Variants in DCDC2 observed in about 807,000 individuals in gnomAD.
The protein encoded by DCDC2 is doublecortin domain-containing protein 2.
Under a neutral mutation model 50.2 loss-of-function variants are expected in DCDC2, and 40 were observed. The observed-to-expected ratio is 0.80, with a 90% CI of 0.62 to 1.04. DCDC2 has a LOEUF of 1.04. Among genes scored for constraint, DCDC2 ranks in the 50% least tolerant of loss-of-function variants. The pLI, the probability that DCDC2 is intolerant of heterozygous loss-of-function variation, is 0.00. For synonymous variants in DCDC2, 234 were observed against 210.6 expected (o/e 1.11, Z -0.96); for missense variants, 570 against 581.9 (o/e 0.98, Z 0.21).
chr6:24,210,019 G>GGTGTGTGTGTGTGTGTGTGTGTGTGTGT (rs71002475), intron 7 of DCDC2, among the ~76,000 whole-genome samples: 3 of 145,196 alleles, frequency 2.1e-5, no homozygotes, highest in African/African-American at 7.9e-5. Flanking sequence ...GCAGTATCAG[G>GGTGTGTGTGTGTGTGTGTGTGTGTGTGT]GTGTGTGTGT....
chr6:24,376,360 C>T, the DCDC2 span, among the ~76,000 whole-genome samples: 1 of 152,160 alleles, frequency 6.6e-6, no homozygotes, highest in Non-Finnish European at 1.5e-5. Context: ...TGGCAGGGCT[C>T]CCTGGGCCCC....
the DCDC2 span, among the ~76,000 whole-genome samples, chr6:24,366,308 T>C: frequency 1.3e-5 from 2 of 152,222 alleles, no homozygotes; most frequent in Admixed American, 6.5e-5. Context: ...CCAAATACCG[T>C]ATTTCTCCAA....
intron 2 of DCDC2, among the ~76,000 whole-genome samples, chr6:24,341,888 T>C (rs941331707): frequency 8.6e-5 from 13 of 151,808 alleles, no homozygotes; most frequent in African/African-American, 3.1e-4. Flanking sequence ...TTTCCCAAAA[T>C]CCAAAAATAC....
intron 7 of DCDC2, among the ~76,000 whole-genome samples, chr6:24,210,182 C>A (rs1203790653): frequency 3.9e-5 from 6 of 151,996 alleles, no homozygotes; most frequent in African/African-American, 1.5e-4. Context: ...TGGCCCACCT[C>A]AGAGCTGCAT....
At chr6:24,312,354 T>C (rs922651958) in intron 2 of DCDC2, among the ~76,000 whole-genome samples, 10 of 152,126 alleles carry the variant, frequency 6.6e-5, no homozygotes, top group African/African-American at 2.4e-4. Flanking sequence ...AATCTGTTAA[T>C]CCCAGTAACT....
chr6:24,264,826 G>A (rs767168922), intron 7 of DCDC2, among the ~76,000 whole-genome samples: 9 of 149,994 alleles, frequency 6.0e-5, no homozygotes, highest in African/African-American at 2.0e-4. Context: ...AAGAGTGGCC[G>A]AATGGATTAA....
intron 7 of DCDC2, among the ~76,000 whole-genome samples, chr6:24,223,385 C>T (rs1022765554): frequency 2.6e-5 from 4 of 152,312 alleles, no homozygotes; most frequent in African/African-American, 7.2e-5. Context: ...TCTACGCAAA[C>T]ATGAAGAGCG....
At chr6:24,225,860 C>A (rs572920168) in intron 7 of DCDC2, among the ~76,000 whole-genome samples, 1 of 152,134 alleles carries the variant, frequency 6.6e-6, no homozygotes. Flanking sequence ...AAATCATGTG[C>A]TTCCATTAAT....
chr6:24,276,074 T>C (rs1763349535), intron 7 of DCDC2, among the ~76,000 whole-genome samples: 1 of 152,016 alleles, frequency 6.6e-6, no homozygotes, highest in Admixed American at 6.6e-5. Flanking sequence ...GTTTTGGCTA[T>C]GTTGCCCAGG....
chr6:24,298,128 AT>A (rs1251703723), intron 4 of DCDC2, among the ~76,000 whole-genome samples: 1 of 152,224 alleles, frequency 6.6e-6, no homozygotes, highest in Admixed American at 6.5e-5. Flanking sequence ...CAGGAATTAG[AT>A]TCTCATAAGG....
chr6:24,372,698 T>G, the DCDC2 span, among the ~76,000 whole-genome samples: 4 of 151,136 alleles, frequency 2.6e-5, no homozygotes, highest in East Asian at 7.9e-4. Context: ...TTCTCACTCA[T>G]AGATGGGAAC....
intron 8 of DCDC2, among the ~76,000 whole-genome samples, chr6:24,196,104 C>G (rs957757337): frequency 4.6e-5 from 7 of 152,142 alleles, no homozygotes; most frequent in Non-Finnish European, 2.9e-5. Context: ...CATTAACTAG[C>G]TAATGGCCTT....
intron 6 of DCDC2, among the ~76,000 whole-genome samples, chr6:24,281,044 C>T (rs1257634148): frequency 3.3e-5 from 5 of 152,000 alleles, no homozygotes; most frequent in Admixed American, 2.0e-4. Context: ...ACAAGGGAGA[C>T]GCAGAAGCCC....
chr6:24,209,228 T>G (rs1465170166), intron 7 of DCDC2, among the ~76,000 whole-genome samples: 1 of 152,224 alleles, frequency 6.6e-6, no homozygotes, highest in Non-Finnish European at 1.5e-5. Context: ...TCCAAAAGTA[T>G]TACCCTTTTT....
the DCDC2 span, among the ~76,000 whole-genome samples, chr6:24,381,799 A>AAGGAAGG: frequency 3.4e-5 from 3 of 88,214 alleles, no homozygotes; most frequent in East Asian, 1.2e-3. Flanking sequence ...GAAAGGAAGG[A>AAGGAAGG]AAGAAAGGAA....
At chr6:24,188,815 C>T (rs2113748842) in intron 8 of DCDC2, among the ~76,000 whole-genome samples, 2 of 152,212 alleles carry the variant, frequency 1.3e-5, no homozygotes, top group South Asian at 4.1e-4. Flanking sequence ...CCCCATTAAA[C>T]TGATGTACAT....
At chr6:24,381,674 A>G in the DCDC2 span, among the ~76,000 whole-genome samples, 2 of 152,070 alleles carry the variant, frequency 1.3e-5, no homozygotes, top group Non-Finnish European at 1.5e-5. Flanking sequence ...GCGGGGTGCC[A>G]TGGCTCATGC....
At chr6:24,338,920 A>C (rs950261914) in intron 2 of DCDC2, among the ~76,000 whole-genome samples, 3 of 152,156 alleles carry the variant, frequency 2.0e-5, no homozygotes, top group Non-Finnish European at 4.4e-5. Flanking sequence ...CTGGGATTAC[A>C]AGTGTGAGCC....
chr6:24,301,825 G>A lies in DCDC2; in HGVS notation c.447C>T (p.Leu149=), dbSNP rs762146825. 37 of 1,614,176 alleles carry A rather than the reference G, an allele frequency of 2.3e-5. No individual in the cohort carries two copies. The highest frequency in any genetic ancestry group is 2.5e-5 in the Non-Finnish European group (30 of 1,180,032). Reference sequence around the variant, plus strand: ...TAAGGAGGCGAGAAGCTGGGTTTATGAGGTCTCCATTTGCAATCAAGCTGG... The same window carrying A: ...TAAGGAGGCGAGAAGCTGGGTTTATAAGGTCTCCATTTGCAATCAAGCTGG... The part of the protein sequence containing the change: ...CTIFLIANGD[L]INPASRLLIP... The change falls in exon 4 of 10, where the codon CTC becomes CTT. Residue 149 remains leucine, a synonymous_variant. Transcript: ENST00000378454.
Sources: gnomAD v4.1 joint callset for allele counts (sites outside exome capture counted in the v4.1 genomes callset) on GRCh38, gnomAD v4.1.1 for gene constraint, MANE v1.5 for transcripts, NCBI Gene and HGNC (gene_info 2026-07-23, HGNC 2026-07-21) for gene names.